The following SGK1 variants were observed in gnomAD, a reference collection of about 807,000 sequenced individuals.
SGK1 encodes serine/threonine-protein kinase Sgk1.
A neutral mutation model predicts 64.2 loss-of-function variants in SGK1; 26 were observed. That is an observed-to-expected ratio of 0.40 (90% CI 0.30 to 0.56). SGK1 has a LOEUF of 0.56. Ranked by LOEUF, SGK1 falls within the 20% of genes least tolerant of loss-of-function variation. The pLI is 0.38. For missense variants in SGK1, 519 were observed against 645.6 expected (o/e 0.80, Z 2.12); for synonymous variants, 265 against 239.7 (o/e 1.11, Z -0.98).
rs757226124 is a variant in SGK1, at chr6:134,173,459, T to C, written c.618+3A>G. Reference sequence around the variant, plus strand: ...ACCAAAAGATCTTCAGATTTGAAATTACCTTTCCAAAACTGCCCTTTCCGA... The same window carrying C: ...ACCAAAAGATCTTCAGATTTGAAATCACCTTTCCAAAACTGCCCTTTCCGA... On this transcript the variant is annotated splice_donor_region_variant and intron_variant, in intron 6 of 13. Transcript: ENST00000367858. 6.2e-6 allele frequency: 10 copies of C among 1,606,538 alleles called. No individual in the cohort carries two copies. The highest frequency in any genetic ancestry group is 1.7e-5 in the Admixed American group (1 of 59,330).
chr6:134,219,555 G>A (rs1776046543), intron 2 of SGK1, among the ~76,000 whole-genome samples: 1 of 151,550 alleles, frequency 6.6e-6, no homozygotes, highest in South Asian at 2.1e-4. Context: ...GAGGTTGGGA[G>A]TTCGAGACCA....
At chr6:134,276,239 C>G (rs1041909563) in intron 1 of SGK1, among the ~76,000 whole-genome samples, 1 of 152,154 alleles carries the variant, frequency 6.6e-6, no homozygotes, top group Non-Finnish European at 1.5e-5. Context: ...CAGGGAATGA[C>G]AAATAAGAGG....
At chr6:134,220,709 T>C (rs2114701808) in intron 2 of SGK1, among the ~76,000 whole-genome samples, 1 of 148,518 alleles carries the variant, frequency 6.7e-6, no homozygotes, top group South Asian at 2.1e-4. Context: ...TTTTGTACCA[T>C]CAACATGTCA....
intron 2 of SGK1, among the ~76,000 whole-genome samples, chr6:134,231,242 T>C (rs1314409282): frequency 1.3e-5 from 2 of 152,164 alleles, no homozygotes; most frequent in East Asian, 3.8e-4. Context: ...TAGTGGCTTA[T>C]TACTACATTC....
chr6:134,198,250 C>A (rs1351345844), intron 3 of SGK1, among the ~76,000 whole-genome samples: 1 of 152,142 alleles, frequency 6.6e-6, no homozygotes, highest in East Asian at 1.9e-4. Context: ...TTAGTCAACC[C>A]ACAGGATTTT....
chr6:134,268,569 A>C lies in SGK1; in HGVS notation c.70-6421T>G, dbSNP rs561672796. ...AACCCCGTCTCTACTAAAAATACAA[A>C]AAAAATTGCCGGGCGTAGTGGAGGG... On this transcript the variant is annotated intron_variant, in intron 1 of 13. Coordinates refer to ENST00000367858, the MANE Select transcript of SGK1 (RefSeq NM_001143676.3). Among the ~76,000 whole-genome samples, 38 of 126,698 alleles carry C rather than the reference A, an allele frequency of 3.0e-4. 4 individuals carry two copies. In the South Asian group the frequency reaches 0.01, roughly 33 times the overall value. The allele number at this position is 126,698 out of a possible 152,430, so 83.1% of individuals were successfully genotyped here.
chr6:134,308,875 T>C (rs1315615153), intron 1 of SGK1, among the ~76,000 whole-genome samples: 3 of 152,152 alleles, frequency 2.0e-5, no homozygotes, highest in African/African-American at 7.2e-5. Flanking sequence ...AATATTTCAC[T>C]TCATGCTTTT....
chr6:134,233,221 T>C (rs1224622150), intron 2 of SGK1, among the ~76,000 whole-genome samples: 3 of 152,216 alleles, frequency 2.0e-5, no homozygotes, highest in African/African-American at 7.2e-5. Context: ...CTTCTTTCAG[T>C]GTAAAACTAT....
chr6:134,214,522 C>T (rs1041314378), intron 2 of SGK1, among the ~76,000 whole-genome samples: 5 of 150,810 alleles, frequency 3.3e-5, no homozygotes, highest in Admixed American at 6.6e-5. Context: ...ACCTGGGAGG[C>T]GGATGTTGCA....
intron 3 of SGK1, chr6:134,178,041 C>A: frequency 1.8e-6 from 1 of 547,942 alleles, no homozygotes; most frequent in East Asian, 3.0e-5. Context: ...ATTATCCTCA[C>A]AAATCAGTCC....
At chr6:134,204,971 T>C (rs60783700) in intron 3 of SGK1, among the ~76,000 whole-genome samples, 5 of 115,262 alleles carry the variant, frequency 4.3e-5, no homozygotes, top group South Asian at 2.9e-4. Context: ...CTTTCTTTCT[T>C]TTTCTTTCTT....
intron 2 of SGK1, among the ~76,000 whole-genome samples, chr6:134,222,795 G>A (rs1582723083): frequency 6.6e-6 from 1 of 152,226 alleles, no homozygotes; most frequent in South Asian, 2.1e-4. Context: ...ACTATGACCA[G>A]GTTTTCTTGC....
chr6:134,294,693 C>A (rs1032784120), intron 1 of SGK1, among the ~76,000 whole-genome samples: 6 of 152,042 alleles, frequency 3.9e-5, no homozygotes, highest in South Asian at 4.1e-4. Context: ...CACCACCCCC[C>A]CAACCAGCTA....
chr6:134,170,856 C>T lies in SGK1; in HGVS notation c.1383G>A (p.Lys461=), dbSNP rs1428583848. 2 of 1,610,890 alleles carry T rather than the reference C, an allele frequency of 1.2e-6. No individual in the cohort carries two copies. Among genetic ancestry groups the T allele is most frequent in the Non-Finnish European group, 1.7e-6 (2 of 1,177,234 alleles). ...TTGGGTTAAAAGGGGGAGTAATCTT[C>T]TTATTAATGAGATCATCCCAGTTAA... is the stretch of plus-strand genomic sequence containing the variant. ...SLINWDDLIN[K]KITPPFNPNV... is the part of the protein sequence containing the mutation. Residue 461 remains lysine (K), a synonymous_variant, in exon 13 of 14, where the codon AAG becomes AAA. Transcript: ENST00000367858.
intron 1 of SGK1, among the ~76,000 whole-genome samples, chr6:134,310,508 G>T (rs1488264596): frequency 6.6e-6 from 1 of 152,204 alleles, no homozygotes; most frequent in African/African-American, 2.4e-5. Flanking sequence ...ATGCTGAAAA[G>T]TGAGGATAAG....
At chr6:134,283,219 G>A (rs7768333) in intron 1 of SGK1, 15,082 of 151,702 alleles carry the variant, frequency 0.099, 1,052 homozygotes, top group African/African-American at 0.16. Flanking sequence ...GGCTGGGTGC[G>A]GTGGCTCACA....
intron 1 of SGK1, among the ~76,000 whole-genome samples, chr6:134,284,491 C>CTTTCTT (rs1554227172): frequency 7.0e-5 from 10 of 143,064 alleles, no homozygotes; most frequent in African/African-American, 2.3e-4. Context: ...TTCTTTCTTT[C>CTTTCTT]TTTTTTTTTT....
intron 2 of SGK1, among the ~76,000 whole-genome samples, chr6:134,218,975 G>GT (rs1238153209): frequency 4.0e-5 from 6 of 151,510 alleles, no homozygotes; most frequent in Non-Finnish European, 5.9e-5. Context: ...TAAAATGGCT[G>GT]TTTTTTTGTT....
chr6:134,255,837 G>C (rs1271211553), intron 2 of SGK1, among the ~76,000 whole-genome samples: 1 of 151,720 alleles, frequency 6.6e-6, no homozygotes, highest in African/African-American at 2.4e-5. Flanking sequence ...TGCCCTCCTC[G>C]ACCTCCAAAA....
Sources: gnomAD v4.1 joint callset for allele counts (sites outside exome capture counted in the v4.1 genomes callset) on GRCh38, gnomAD v4.1.1 for gene constraint, MANE v1.5 for transcripts, NCBI Gene and HGNC (gene_info 2026-07-23, HGNC 2026-07-21) for gene names.